Variants in GLDC observed in about 807,000 individuals in gnomAD.
GLDC encodes glycine dehydrogenase (decarboxylating), mitochondrial.
Under a neutral mutation model 121.3 loss-of-function variants are expected in GLDC, and 104 were observed. The ratio of observed to expected loss-of-function variants is 0.86; its 90% CI spans 0.73 to 1.01. The LOEUF (loss-of-function observed/expected upper bound fraction) is 1.01. GLDC is among the 50% of genes least tolerant of loss of function. GLDC has a pLI of 0.00. For synonymous variants in GLDC, 546 were observed against 480.6 expected, an observed-to-expected ratio of 1.14 and a Z score of -1.78; for missense variants, 1,429 against 1,306.6, an observed-to-expected ratio of 1.09 and a Z score of -1.44.
chr9:6,594,172 C>T (rs1489603835), intron 9 of GLDC, among the ~76,000 whole-genome samples: 1 of 152,090 alleles, frequency 6.6e-6, no homozygotes, highest in Non-Finnish European at 1.5e-5. Flanking sequence ...GGGATAAATA[C>T]TAGTTTATTG....
At chr9:6,575,355 G>A (rs1195287124) in intron 15 of GLDC, among the ~76,000 whole-genome samples, 5 of 152,166 alleles carry the variant, frequency 3.3e-5, no homozygotes, top group Non-Finnish European at 7.3e-5. Context: ...ATGCAGCCAG[G>A]TCCAAGAACC....
intron 16 of GLDC, among the ~76,000 whole-genome samples, chr9:6,562,553 C>A (rs1459393081): frequency 6.6e-6 from 1 of 152,124 alleles, no homozygotes; most frequent in East Asian, 1.9e-4. Flanking sequence ...AGAAAGTTGG[C>A]TTTAATTAAA....
intron 15 of GLDC, among the ~76,000 whole-genome samples, chr9:6,578,968 C>T (rs1818125327): frequency 6.6e-6 from 1 of 152,094 alleles, no homozygotes; most frequent in Non-Finnish European, 1.5e-5. Flanking sequence ...TGTGATCAGC[C>T]TCTGTTAATC....
At chr9:6,556,535 G>A (rs1034967707) in intron 17 of GLDC, among the ~76,000 whole-genome samples, 7 of 152,166 alleles carry the variant, frequency 4.6e-5, no homozygotes, top group Admixed American at 1.3e-4. Context: ...GCTCATGCCC[G>A]TAATCCCGGC....
chr9:6,570,109 C>T (rs1199083135), intron 15 of GLDC, among the ~76,000 whole-genome samples: 1 of 152,148 alleles, frequency 6.6e-6, no homozygotes, highest in East Asian at 1.9e-4. Flanking sequence ...CAAAAAGTAA[C>T]ATGAAACCCA....
At chr9:6,545,889 C>T (rs1430117411) in intron 21 of GLDC, among the ~76,000 whole-genome samples, 1 of 152,160 alleles carries the variant, frequency 6.6e-6, no homozygotes, top group Non-Finnish European at 1.5e-5. Context: ...GATCTGCCCG[C>T]CTCAGCCTTC....
intron 21 of GLDC, among the ~76,000 whole-genome samples, chr9:6,549,458 C>T (rs1254738058): frequency 2.6e-5 from 4 of 152,292 alleles, no homozygotes; most frequent in African/African-American, 7.2e-5. Flanking sequence ...GGCACTGTGC[C>T]AAGCACTGCC....
At chr9:6,550,991 C>G in intron 20 of GLDC, 77 bp from the exon 21 acceptor site, 1 of 902,760 alleles carries the variant, frequency 1.1e-6, no homozygotes, top group Non-Finnish European at 1.9e-6. Flanking sequence ...AAAAGACACC[C>G]CCAGATAAAC....
At chr9:6,541,557 T>G (rs2026971) in intron 21 of GLDC, 37,632 of 151,968 alleles carry the variant, frequency 0.25, 5,157 homozygotes, top group Admixed American at 0.3. Flanking sequence ...GCTCATTGGC[T>G]CACACCTGTA....
intron 3 of GLDC, among the ~76,000 whole-genome samples, chr9:6,619,168 A>T: frequency 7.5e-6 from 1 of 133,656 alleles, no homozygotes; most frequent in African/African-American, 2.8e-5. Flanking sequence ...AAAAAAAAAA[A>T]AAAAAAAAGA....
At chr9:6,559,626 C>A (rs1392503826) in intron 16 of GLDC, among the ~76,000 whole-genome samples, 1 of 151,428 alleles carries the variant, frequency 6.6e-6, no homozygotes, top group East Asian at 1.9e-4. Flanking sequence ...ACCAGCCTGG[C>A]CAACATGGCG....
chr9:6,576,195 G>T (rs547152553), intron 15 of GLDC, among the ~76,000 whole-genome samples: 1 of 152,308 alleles, frequency 6.6e-6, no homozygotes, highest in East Asian at 1.9e-4. Flanking sequence ...ATAAACAACA[G>T]AAAGCTATTT....
chr9:6,533,849 A>T (rs997145431), intron 24 of GLDC, among the ~76,000 whole-genome samples: 4 of 144,444 alleles, frequency 2.8e-5, no homozygotes, highest in African/African-American at 5.1e-5. Context: ...CAAGAGTAAA[A>T]CTCTATCTCA....
chr9:6,580,536 A>G (rs1818153529), intron 15 of GLDC, among the ~76,000 whole-genome samples: 1 of 152,104 alleles, frequency 6.6e-6, no homozygotes, highest in Admixed American at 6.6e-5. Flanking sequence ...AAGCCCTCTA[A>G]TTAGACCTTG....
intron 21 of GLDC, among the ~76,000 whole-genome samples, chr9:6,547,383 T>C (rs1420022900): frequency 6.6e-6 from 1 of 152,160 alleles, no homozygotes; most frequent in Non-Finnish European, 1.5e-5. Flanking sequence ...TTGAGCGCAT[T>C]GGCTACATAT....
intron 15 of GLDC, among the ~76,000 whole-genome samples, chr9:6,583,039 T>C (rs943547205): frequency 3.3e-5 from 5 of 152,144 alleles, no homozygotes; most frequent in African/African-American, 9.7e-5. Flanking sequence ...CCAGAATTGC[T>C]ATTACTTGAG....
chr9:6,640,664 T>A (rs1248315673), intron 2 of GLDC, among the ~76,000 whole-genome samples: 1 of 152,234 alleles, frequency 6.6e-6, no homozygotes, highest in African/African-American at 2.4e-5. Flanking sequence ...ACAAGCAATG[T>A]GCAATTTTGT....
intron 15 of GLDC, among the ~76,000 whole-genome samples, chr9:6,585,506 G>A (rs145949833): frequency 1.8e-4 from 28 of 152,282 alleles, no homozygotes; most frequent in African/African-American, 3.4e-4. Flanking sequence ...ACTTTAAGAC[G>A]CAATTGAGAG....
Position 6,604,657 on chromosome 9 carries a change from TG to T in GLDC, c.988del (p.His330MetfsTer12). On this transcript the variant is annotated frameshift_variant, in exon 7 of 25. Coordinates refer to ENST00000321612, the MANE Select transcript of GLDC (RefSeq NM_000170.3). LOFTEE classifies it high-confidence loss of function. The stretch of plus-strand genomic sequence containing the variant: ...TTCTCGGACAGCAAAAAATGCTGCA[TG>T]GGGTCCCCCATAGCCCAGTGGCACT... Reference protein sequence around the residue: ...FGVPLGYGGPHAAFFAVRESL... With the variant: ...FGVPLGYGGPXAAFFAVRESL... 6.2e-7 allele frequency: 1 copy of T among 1,614,044 alleles called. No homozygotes were observed. Among genetic ancestry groups the T allele is most frequent in the South Asian group, 1.1e-5 (1 of 91,082 alleles).
Sources: allele counts gnomAD v4.1 joint callset (sites outside exome capture counted in the v4.1 genomes callset), GRCh38; gene constraint gnomAD v4.1.1; transcripts MANE v1.5; gene names NCBI Gene and HGNC (gene_info 2026-07-23, HGNC 2026-07-21).